NALCN: variants seen among roughly 807,000 people sequenced by gnomAD.
NALCN encodes the protein sodium leak channel, non-selective, also known as sodium leak channel NALCN.
In NALCN, 111 loss-of-function variants were observed where a neutral mutation model predicts 225.3. The observed-to-expected ratio is 0.49, with a 90% confidence interval of 0.42 to 0.58. NALCN has a LOEUF of 0.58. NALCN is among the 20% of genes least tolerant of loss of function. NALCN has a pLI of 0.00. For missense variants in NALCN, 1,378 were observed against 2,202.4 expected (o/e 0.63, Z 7.49); for synonymous variants, 764 against 769.0 (o/e 0.99, Z 0.11).
intron 11 of NALCN, among the ~76,000 whole-genome samples, chr13:101,240,934 T>C (rs184301865): frequency 6.6e-6 from 1 of 152,240 alleles, no homozygotes; most frequent in Non-Finnish European, 1.5e-5. Flanking sequence ...TCACAGTTAC[T>C]GTTTTATGTG....
chr13:101,057,493 G>A (rs1404182544), intron 43 of NALCN: 3 of 212,142 alleles, frequency 1.4e-5, no homozygotes, highest in Admixed American at 5.3e-5. Flanking sequence ...CCTAAAGCCA[G>A]TGACCGGCTC....
chr13:101,338,373 T>C (rs1307738029), intron 7 of NALCN, among the ~76,000 whole-genome samples: 1 of 152,242 alleles, frequency 6.6e-6, no homozygotes, highest in Non-Finnish European at 1.5e-5. Flanking sequence ...ATTCTGATGA[T>C]TCTAAAGACT....
intron 43 of NALCN, chr13:101,056,909 C>T (rs536545262): frequency 6.6e-5 from 10 of 152,326 alleles, no homozygotes; most frequent in East Asian, 1.9e-4. Context: ...CCACCATCTA[C>T]GTTGTCTTGA....
chr13:101,346,729 A>G (rs1259004779), intron 6 of NALCN, among the ~76,000 whole-genome samples: 2 of 152,192 alleles, frequency 1.3e-5, no homozygotes, highest in African/African-American at 2.4e-5. Flanking sequence ...GACAGCAAGT[A>G]TAGATAACAT....
intron 7 of NALCN, among the ~76,000 whole-genome samples, chr13:101,341,280 C>A (rs1448109405): frequency 2.6e-5 from 4 of 152,144 alleles, no homozygotes; most frequent in African/African-American, 9.7e-5. Flanking sequence ...TATGTTCCTG[C>A]CTCTTCAAAA....
intron 18 of NALCN, among the ~76,000 whole-genome samples, chr13:101,118,787 A>G (rs2035836269): frequency 6.6e-6 from 1 of 152,182 alleles, no homozygotes; most frequent in South Asian, 2.1e-4. Flanking sequence ...GTTGGCACAA[A>G]CCCTAGGCTG....
intron 9 of NALCN, among the ~76,000 whole-genome samples, chr13:101,289,103 G>T (rs545935413): frequency 6.6e-6 from 1 of 152,126 alleles, no homozygotes; most frequent in Non-Finnish European, 1.5e-5. Context: ...AACAAAGCAG[G>T]GTATTATATC....
intron 13 of NALCN, among the ~76,000 whole-genome samples, chr13:101,211,736 A>G (rs983866034): frequency 2.0e-5 from 3 of 151,796 alleles, no homozygotes; most frequent in African/African-American, 7.3e-5. Flanking sequence ...TCAACCATGG[A>G]TAACAATCTG....
At chr13:101,289,935 C>A (rs985180273) in intron 9 of NALCN, among the ~76,000 whole-genome samples, 1 of 152,124 alleles carries the variant, frequency 6.6e-6, no homozygotes, top group Non-Finnish European at 1.5e-5. Flanking sequence ...GTGGGCGGGG[C>A]CTGAAGCTCG....
At chr13:101,298,146 A>G (rs905136760) in intron 7 of NALCN, among the ~76,000 whole-genome samples, 1 of 152,210 alleles carries the variant, frequency 6.6e-6, no homozygotes, top group Non-Finnish European at 1.5e-5. Context: ...TATTTGCTCA[A>G]CTACATTTGC....
intron 15 of NALCN, among the ~76,000 whole-genome samples, chr13:101,149,171 T>C (rs888128388): frequency 2.0e-5 from 3 of 152,012 alleles, no homozygotes; most frequent in Admixed American, 6.6e-5. Context: ...CAGGCGCCTG[T>C]AGTCCCAGCT....
chr13:101,191,349 C>T (rs906412629), intron 14 of NALCN, among the ~76,000 whole-genome samples: 5 of 152,152 alleles, frequency 3.3e-5, no homozygotes, highest in Admixed American at 1.3e-4. Context: ...TGACAGAAGT[C>T]GGTTCTTACT....
At chr13:101,147,352 C>T (rs1037872548) in intron 15 of NALCN, among the ~76,000 whole-genome samples, 1 of 140,556 alleles carries the variant, frequency 7.1e-6, no homozygotes, top group African/African-American at 2.7e-5. Flanking sequence ...TCCTCTCTCT[C>T]TCTTTTTTTT....
chr13:101,300,028 A>C (rs536224282), intron 7 of NALCN, among the ~76,000 whole-genome samples: 36 of 152,202 alleles, frequency 2.4e-4, no homozygotes, highest in African/African-American at 8.7e-4. Flanking sequence ...AATTAAAAAA[A>C]AAAAGCAGCA....
chr13:101,388,129 A>C (rs2047045942), intron 3 of NALCN, among the ~76,000 whole-genome samples: 1 of 152,138 alleles, frequency 6.6e-6, no homozygotes, highest in Non-Finnish European at 1.5e-5. Flanking sequence ...TTACCCTCTA[A>C]CAATAATAGA....
intron 16 of NALCN, among the ~76,000 whole-genome samples, chr13:101,143,546 C>A (rs2037200393): frequency 6.6e-6 from 1 of 151,838 alleles, no homozygotes. Context: ...CTCACCACAA[C>A]CTCCGCCTCC....
chr13:101,129,330 G>T (rs1215285151), intron 17 of NALCN, among the ~76,000 whole-genome samples: 2 of 152,146 alleles, frequency 1.3e-5, no homozygotes, highest in Admixed American at 6.5e-5. Flanking sequence ...ATGAACTCAA[G>T]ATTTAAACTT....
chr13:101,291,969 A>C (rs370969566), intron 9 of NALCN, 21 bp downstream of exon 9: 1 of 1,612,628 alleles, frequency 6.2e-7, no homozygotes, highest in Non-Finnish European at 8.5e-7. Context: ...GGGTTATAAC[A>C]TCCTCTTGCT....
At chr13:101,415,201 T>TCA (rs35726443) in intron 1 of NALCN, among the ~76,000 whole-genome samples, 3 of 75,664 alleles carry the variant, frequency 4.0e-5, no homozygotes, top group Non-Finnish European at 8.3e-5. Flanking sequence ...AACATACAAA[T>TCA]CACACACATA....
Sources: gnomAD v4.1 joint callset for allele counts (sites outside exome capture counted in the v4.1 genomes callset) on GRCh38, gnomAD v4.1.1 for gene constraint, MANE v1.5 for transcripts, NCBI Gene and HGNC (gene_info 2026-07-23, HGNC 2026-07-21) for gene names.